KHDRBS2: variants seen among roughly 807,000 people sequenced by gnomAD.
KHDRBS2 encodes KH domain-containing, RNA-binding, signal transduction-associated protein 2.
Under a neutral mutation model 44.3 loss-of-function variants are expected in KHDRBS2, and 26 were observed. The ratio of observed to expected loss-of-function variants is 0.59; its 90% CI spans 0.43 to 0.81. The LOEUF (loss-of-function observed/expected upper bound fraction) is 0.81, where lower values mean the gene tolerates loss of function less well. KHDRBS2 is among the 40% of genes least tolerant of loss of function. The pLI is 0.00. For missense variants in KHDRBS2, 476 were observed against 433.1 expected (o/e 1.10, Z -0.88); for synonymous variants, 194 against 151.1 (o/e 1.28, Z -2.08).
intron 4 of KHDRBS2, among the ~76,000 whole-genome samples, chr6:61,918,253 G>C (rs916139456): frequency 6.6e-6 from 1 of 151,748 alleles, no homozygotes; most frequent in African/African-American, 2.4e-5. Context: ...TATTCAAAAC[G>C]AAGAACTCCG....
intron 2 of KHDRBS2, among the ~76,000 whole-genome samples, chr6:62,147,732 T>C (rs891148825): frequency 1.3e-5 from 2 of 152,004 alleles, no homozygotes; most frequent in African/African-American, 2.4e-5. Context: ...TTACAGTGCC[T>C]TGTTAAGAAG....
chr6:62,190,890 T>C (rs1824459217), intron 1 of KHDRBS2, among the ~76,000 whole-genome samples: 2 of 152,080 alleles, frequency 1.3e-5, no homozygotes, highest in Non-Finnish European at 2.9e-5. Flanking sequence ...GCTTCTCTCA[T>C]ATGGAGCTTC....
At chr6:61,736,308 A>G (rs1234681005) in intron 6 of KHDRBS2, among the ~76,000 whole-genome samples, 1 of 150,640 alleles carries the variant, frequency 6.6e-6, no homozygotes, top group East Asian at 2.0e-4. Context: ...TAAGCATCCC[A>G]TTCTTAGCCC....
chr6:61,952,415 T>C (rs1289761837), intron 4 of KHDRBS2, among the ~76,000 whole-genome samples: 1 of 152,094 alleles, frequency 6.6e-6, no homozygotes, highest in Non-Finnish European at 1.5e-5. Context: ...GTCATGATAA[T>C]TTTTTAGTTT....
At chr6:61,774,538 C>T (rs1582762208) in intron 6 of KHDRBS2, among the ~76,000 whole-genome samples, 1 of 152,104 alleles carries the variant, frequency 6.6e-6, no homozygotes, top group African/African-American at 2.4e-5. Context: ...AGTGAACTCC[C>T]ATTTACAATT....
the KHDRBS2 span, among the ~76,000 whole-genome samples, chr6:61,567,698 TTTC>T: frequency 1.1e-4 from 12 of 108,350 alleles, no homozygotes; most frequent in Non-Finnish European, 2.3e-4. Context: ...TCCTTTCCCC[TTTC>T]TTCTTCTTCC....
chr6:61,566,672 G>A, the KHDRBS2 span, among the ~76,000 whole-genome samples: 2 of 151,370 alleles, frequency 1.3e-5, no homozygotes, highest in Non-Finnish European at 2.9e-5. Context: ...AATTTCCTCA[G>A]TTTTAAATTT....
chr6:61,974,981 TAAAA>T (rs1272895593), intron 4 of KHDRBS2, among the ~76,000 whole-genome samples: 2 of 130,986 alleles, frequency 1.5e-5, no homozygotes, highest in Non-Finnish European at 3.4e-5. Context: ...AATAAATAAA[TAAAA>T]GACTACAGTG....
intron 6 of KHDRBS2, among the ~76,000 whole-genome samples, chr6:61,774,766 A>G (rs1444891344): frequency 1.3e-5 from 2 of 152,198 alleles, no homozygotes; most frequent in Non-Finnish European, 2.9e-5. Context: ...ATAGAAAAAG[A>G]GGGAATCCTC....
rs398001756 is a variant in KHDRBS2, at chr6:62,059,198, G to GTTTTTTTTTTTTTTTTTTTTTTT, written c.220-11227_220-11205dup. On this transcript the variant is annotated intron_variant, in intron 2 of 8. Coordinates refer to ENST00000281156, the MANE Select transcript of KHDRBS2 (RefSeq NM_152688.4). ...TATTTCCACATAGAAAAGTTAGGAA[G>GTTTTTTTTTTTTTTTTTTTTTTT]TTTTTTTTTTTTTTTTTTTTTTTTT... Among the ~76,000 whole-genome samples the GTTTTTTTTTTTTTTTTTTTTTTT allele has an allele frequency of 1.7e-3, 43 of 24,886 alleles. 16 individuals are homozygous for GTTTTTTTTTTTTTTTTTTTTTTT. Among genetic ancestry groups the GTTTTTTTTTTTTTTTTTTTTTTT allele is most frequent in the Non-Finnish European group, 2.6e-3 (32 of 12,206 alleles). The allele number at this position is 24,886 out of a possible 152,430, so 16.3% of individuals were successfully genotyped here. A position where few individuals can be genotyped will look rare whatever the true frequency, so the allele number is the denominator to read the frequency against.
intron 4 of KHDRBS2, among the ~76,000 whole-genome samples, chr6:61,954,543 T>C (rs1439989281): frequency 6.8e-6 from 1 of 147,368 alleles, no homozygotes; most frequent in African/African-American, 2.5e-5. Flanking sequence ...TATGTATACA[T>C]ATATATGTAT....
chr6:61,667,572 C>T, the KHDRBS2 span, among the ~76,000 whole-genome samples: 2 of 151,262 alleles, frequency 1.3e-5, no homozygotes, highest in South Asian at 4.1e-4. Flanking sequence ...CCAATTTTTG[C>T]ATCAGAAAGG....
chr6:61,733,210 T>G (rs929815640), intron 6 of KHDRBS2, among the ~76,000 whole-genome samples: 2 of 151,936 alleles, frequency 1.3e-5, no homozygotes, highest in African/African-American at 4.8e-5. Context: ...TGTAGTCAAC[T>G]TTCAGTAAAA....
chr6:61,965,819 T>A (rs1333241836), intron 4 of KHDRBS2, among the ~76,000 whole-genome samples: 3 of 151,990 alleles, frequency 2.0e-5, no homozygotes, highest in Non-Finnish European at 4.4e-5. Flanking sequence ...TGAATAATGT[T>A]TAGAAAGTCA....
the KHDRBS2 span, among the ~76,000 whole-genome samples, chr6:61,610,533 C>T: frequency 6.6e-6 from 1 of 152,122 alleles, no homozygotes; most frequent in East Asian, 1.9e-4. Context: ...AAAAGCTTAA[C>T]TGGTCCTATA....
chr6:61,854,253 C>T (rs1795853413), intron 6 of KHDRBS2, among the ~76,000 whole-genome samples: 1 of 151,800 alleles, frequency 6.6e-6, no homozygotes, highest in African/African-American at 2.4e-5. Flanking sequence ...CTTGTATTAT[C>T]TTGATTTTTA....
At chr6:61,589,834 A>T in the KHDRBS2 span, among the ~76,000 whole-genome samples, 1 of 152,172 alleles carries the variant, frequency 6.6e-6, no homozygotes, top group Non-Finnish European at 1.5e-5. Context: ...CTTACAGAGG[A>T]CTATAAATAA....
At chr6:61,657,733 TA>T in the KHDRBS2 span, among the ~76,000 whole-genome samples, 1 of 151,956 alleles carries the variant, frequency 6.6e-6, no homozygotes, top group African/African-American at 2.4e-5. Context: ...GCTGTGGGCA[TA>T]AACTTAGAAC....
chr6:62,052,023 G>A (rs1265102065), intron 2 of KHDRBS2, among the ~76,000 whole-genome samples: 2 of 151,650 alleles, frequency 1.3e-5, no homozygotes, highest in African/African-American at 2.4e-5. Flanking sequence ...GGTATTTTTT[G>A]TAGACTGCCC....
Sources: allele counts gnomAD v4.1 joint callset (sites outside exome capture counted in the v4.1 genomes callset), GRCh38; gene constraint gnomAD v4.1.1; transcripts MANE v1.5; gene names NCBI Gene and HGNC (gene_info 2026-07-23, HGNC 2026-07-21).